Variants in USP25 observed in about 807,000 individuals in gnomAD.
USP25 encodes ubiquitin carboxyl-terminal hydrolase 25.
In USP25, 85 loss-of-function variants were observed where a neutral mutation model predicts 158.5. That is an observed-to-expected ratio of 0.54 (90% confidence interval 0.45 to 0.64). The LOEUF (loss-of-function observed/expected upper bound fraction) is 0.64. Ranked by LOEUF, USP25 falls within the 30% of genes least tolerant of loss-of-function variation. The pLI is 0.00. For synonymous variants in USP25, 464 were observed against 460.4 expected (o/e 1.01, Z -0.10); for missense variants, 1,242 against 1,327.3 (o/e 0.94, Z 1.00).
intron 5 of USP25, among the ~76,000 whole-genome samples, chr21:15,793,028 A>C (rs528030967): frequency 6.6e-6 from 1 of 151,608 alleles, no homozygotes; most frequent in Non-Finnish European, 1.5e-5. Context: ...TGCGCTATCT[A>C]TTAAGAAGGT....
intron 19 of USP25, 139 bp downstream of exon 19, chr21:15,847,915 C>T: frequency 2.2e-6 from 1 of 447,182 alleles, no homozygotes; most frequent in Non-Finnish European, 4.0e-6. Context: ...TCCAAAATTA[C>T]TTTACCAATT....
chr21:15,774,490 T>G lies in USP25; in HGVS notation c.269-3414T>G, dbSNP rs2034529077. 2.0e-5 allele frequency among the ~76,000 whole-genome samples: 3 copies of G among 149,532 alleles called. No homozygotes were observed. In the South Asian group the frequency reaches 6.3e-4, roughly 32 times the overall value. ...GTTTTCCTTAAAGCAACAGGCTCAC[T>G]TTTTTTTTTCCAGACAACATCTGCC... On this transcript the variant is annotated intron_variant, in intron 3 of 25. Transcript: ENST00000400183.
Position 15,830,618 on chromosome 21 carries a change from G to A in USP25, c.1764+17G>A, listed in dbSNP as rs1263909295. On this transcript the variant is annotated intron_variant, in intron 15 of 25. Coordinates refer to ENST00000400183, the MANE Select transcript of USP25 (RefSeq NM_001283041.3). ...ATGATACAAGTAAGTGAAATTTTGA[G>A]CTAGTAATCATTGTCAAAATTATTT... 2 of 1,540,826 alleles carry A rather than the reference G, an allele frequency of 1.3e-6. No homozygotes were observed. Among genetic ancestry groups the A allele is most frequent in the Admixed American group, 3.8e-5 (2 of 53,314 alleles).
chr21:15,770,576 C>G (rs187267283), intron 3 of USP25, among the ~76,000 whole-genome samples: 2 of 152,142 alleles, frequency 1.3e-5, no homozygotes, highest in African/African-American at 4.8e-5. Context: ...TCCTTGCTTA[C>G]CACTGCTGCC....
rs1661333601 is a variant in USP25, at chr21:15,843,006, G to A, written c.2337+466G>A. The stretch of plus-strand genomic sequence containing the variant: ...TTATTTAAAACTACTAGATACTGTA[G>A]ATTAGAGTATTATTAGAAGGATAAG... On this transcript the variant is annotated intron_variant, in intron 18 of 25. Transcript: ENST00000400183. This position sits in a 1 kb window ranked among gnomAD's most constrained non-coding sequence, Gnocchi z 4.0. Among the ~76,000 whole-genome samples, 1 of 151,952 alleles carries A rather than the reference G, an allele frequency of 6.6e-6. No individual in the cohort carries two copies. Among genetic ancestry groups the A allele is most frequent in the Non-Finnish European group, 1.5e-5 (1 of 67,996 alleles).
At chr21:15,760,625 T>A (rs1396159361) in intron 1 of USP25, among the ~76,000 whole-genome samples, 2 of 152,240 alleles carry the variant, frequency 1.3e-5, no homozygotes, top group African/African-American at 4.8e-5. Context: ...ATACATAAAT[T>A]GTCAAGCATG....
chr21:15,853,588 T>A (rs2038994247), intron 20 of USP25, among the ~76,000 whole-genome samples: 1 of 152,188 alleles, frequency 6.6e-6, no homozygotes, highest in Admixed American at 6.5e-5. Flanking sequence ...GTTATATAAA[T>A]TTTCCCACTA....
intron 3 of USP25, among the ~76,000 whole-genome samples, chr21:15,769,886 A>T (rs1051764500): frequency 3.9e-5 from 6 of 152,152 alleles, no homozygotes; most frequent in Admixed American, 3.9e-4. Flanking sequence ...AATGCCACAT[A>T]TTGACTCAAG....
At chr21:15,872,027 T>G (rs187837820) in intron 23 of USP25, among the ~76,000 whole-genome samples, 2,052 of 147,522 alleles carry the variant, frequency 0.014, 29 homozygotes, top group Middle Eastern at 0.054. Context: ...TTTTTTTTTT[T>G]TTTTTTTTTT....
chr21:15,730,974 C>CTTTTTTTTT (rs1420306163), intron 1 of USP25, among the ~76,000 whole-genome samples: 4 of 60,332 alleles, frequency 6.6e-5, no homozygotes, highest in African/African-American at 3.1e-4. Flanking sequence ...TTCTTCTTTT[C>CTTTTTTTTT]TGTTTTTTTT....
chr21:15,846,118 GTGTGTATATATATATA>G, intron 18 of USP25, among the ~76,000 whole-genome samples: 1 of 79,974 alleles, frequency 1.3e-5, no homozygotes, highest in Non-Finnish European at 2.2e-5. Flanking sequence ...GTGTGTGTGT[GTGTGTATATATATATA>G]TATATATATA....
At position 15,847,745 on chromosome 21, in the gene USP25, T is replaced by G. The variant is rs73346799; in HGVS notation, c.2420T>G (p.Ile807Ser). The G allele has an allele frequency of 1.9e-3, 2,955 of 1,550,086 alleles. 39 individuals carry two copies. The African/African-American group carries it at 0.032, about 17-fold the overall frequency. ...VAIPHVGKFM[I>S]ESKEGGYDDE... ...ATCCCTCATGTAGGGAAATTTATGA[T>G]TGAATCAAAGGAGGGGGGGTATGAT... The change falls in exon 19 of 26, where the codon ATT (isoleucine) becomes AGT (serine). Residue 807 changes from isoleucine to serine, a missense_variant. Physicochemically the swap from Ile to Ser is moderately radical, Grantham distance 142. Coordinates refer to ENST00000400183, the MANE Select transcript of USP25 (RefSeq NM_001283041.3).
rs114415918 is a variant in USP25 at position 15,787,095 on chromosome 21, G to A, written c.393-4407G>A. ...TACACTGAAAGCTATAAAACATTGA[G>A]GAAAGAAATATAAGACACAAACAAA... is the stretch of plus-strand genomic sequence containing the variant. On this transcript the variant is annotated intron_variant, in intron 4 of 25. Transcript: ENST00000400183. Among the ~76,000 whole-genome samples the A allele has an allele frequency of 2.4e-3, 362 of 152,114 alleles. 5 individuals carry two copies. Among genetic ancestry groups the A allele is most frequent in the African/African-American group, 8.4e-3 (350 of 41,524 alleles).
chr21:15,809,226 A>G (rs2036537377), intron 8 of USP25, among the ~76,000 whole-genome samples: 1 of 152,208 alleles, frequency 6.6e-6, no homozygotes, highest in Non-Finnish European at 1.5e-5. Flanking sequence ...AGGGATATGA[A>G]GTAGCAGTGC....
At chr21:15,853,858 G>A (rs570727200) in intron 20 of USP25, among the ~76,000 whole-genome samples, 5 of 152,170 alleles carry the variant, frequency 3.3e-5, no homozygotes, top group South Asian at 2.1e-4. Context: ...GAACTCACTC[G>A]TAAGATCATA....
intron 10 of USP25, among the ~76,000 whole-genome samples, chr21:15,821,263 G>A (rs1272179185): frequency 6.6e-6 from 1 of 152,030 alleles, no homozygotes. Context: ...CTAAGTTAGT[G>A]TAGAGCTTTA....
rs895502129 is a variant in USP25, at chr21:15,818,516, C to T, written c.932-182C>T. Reference sequence around the variant, plus strand: ...ATATGTGGATGTGTAATATCTATGGCTGGGTATAAATGTACATTTGCACAT... The same window carrying T: ...ATATGTGGATGTGTAATATCTATGGTTGGGTATAAATGTACATTTGCACAT... On this transcript the variant is annotated intron_variant, in intron 9 of 25. Coordinates refer to ENST00000400183, the MANE Select transcript of USP25 (RefSeq NM_001283041.3). Among the ~76,000 whole-genome samples the T allele has an allele frequency of 7.9e-5, 12 of 152,190 alleles. 1 individual carries two copies. The highest frequency in any genetic ancestry group is 6.8e-3 in the Middle Eastern group (2 of 294).
chr21:15,769,577 A>G (rs974936080), intron 3 of USP25, among the ~76,000 whole-genome samples: 6 of 152,152 alleles, frequency 3.9e-5, no homozygotes, highest in African/African-American at 1.4e-4. Context: ...AAAAACACAA[A>G]TGAAAATGAG....
At chr21:15,777,874 A>C in intron 3 of USP25, 30 bp from the exon 4 acceptor site, 6 of 1,557,104 alleles carry the variant, frequency 3.9e-6, no homozygotes, top group Non-Finnish European at 5.2e-6. Flanking sequence ...TTTTACTTTT[A>C]ATTTTGAGAA....
Sources: allele counts gnomAD v4.1 joint callset (sites outside exome capture counted in the v4.1 genomes callset), GRCh38; gene constraint gnomAD v4.1.1; non-coding constraint Gnocchi (gnomAD v3.1); transcripts MANE v1.5; gene names NCBI Gene and HGNC (gene_info 2026-07-23, HGNC 2026-07-21).